The following GNAI3 variants were observed in gnomAD, a reference collection of about 807,000 sequenced individuals.
GNAI3 encodes the protein guanine nucleotide-binding protein G(i) subunit alpha-3.
GNAI3 carries 12 observed loss-of-function variants against 41.8 expected under a neutral mutation model. That is an observed-to-expected ratio of 0.29 (90% CI 0.18 to 0.47). The LOEUF (loss-of-function observed/expected upper bound fraction) is 0.47, where lower values mean the gene tolerates loss of function less well. GNAI3 is among the 20% of genes least tolerant of loss of function. The pLI is 1.00. For synonymous variants in GNAI3, 132 were observed against 146.5 expected, an observed-to-expected ratio of 0.90 and a Z score of 0.71; for missense variants, 360 against 429.6, an observed-to-expected ratio of 0.84 and a Z score of 1.43.
chr1:109,564,883 G>T (rs1648409384), intron 1 of GNAI3, among the ~76,000 whole-genome samples: 1 of 152,170 alleles, frequency 6.6e-6, no homozygotes, highest in African/African-American at 2.4e-5. Context: ...TAATCGGTAT[G>T]TGATTGCTTC....
At chr1:109,553,894 A>G (rs928417475) in intron 1 of GNAI3, among the ~76,000 whole-genome samples, 1 of 152,106 alleles carries the variant, frequency 6.6e-6, no homozygotes, top group Non-Finnish European at 1.5e-5. Flanking sequence ...AGTCCGTTGT[A>G]TCATTCTTAG....
rs1054840426 is a variant in GNAI3 at position 109,599,871 on chromosome 1, A to G, written c.*7549A>G. 2 of 152,184 alleles carry G rather than the reference A, an allele frequency of 1.3e-5. No individual in the cohort carries two copies. Among genetic ancestry groups the G allele is most frequent in the African/African-American group, 4.8e-5 (2 of 41,436 alleles). The allele number at this position is 152,184 out of a possible 1,614,324, so 9.4% of individuals were successfully genotyped here. A position where few individuals can be genotyped will look rare whatever the true frequency, so the allele number is the denominator to read the frequency against. On this transcript the variant is annotated 3_prime_UTR_variant, in exon 9 of 9. Coordinates refer to ENST00000369851, the MANE Select transcript of GNAI3 (RefSeq NM_006496.4). Reference sequence around the variant, plus strand: ...AACAAGAAATTGGCTTTGATTTTATAGTGTATGGTGCTCTGTTGGTAGCTG... The same window carrying G: ...AACAAGAAATTGGCTTTGATTTTATGGTGTATGGTGCTCTGTTGGTAGCTG...
chr1:109,562,823 A>G (rs1209789208), intron 1 of GNAI3, among the ~76,000 whole-genome samples: 1 of 152,188 alleles, frequency 6.6e-6, no homozygotes, highest in Non-Finnish European at 1.5e-5. Context: ...AAAATTTTAC[A>G]ATTTTGGGAT....
chr1:109,548,690 C>T lies in GNAI3; in HGVS notation c.-31C>T. 6.7e-7 allele frequency: 1 copy of T among 1,490,430 alleles called. No homozygotes were observed. Among genetic ancestry groups the T allele is most frequent in the Non-Finnish European group, 9.4e-7 (1 of 1,069,418 alleles). 92.3% of individuals were successfully genotyped at this position (1,490,430 alleles called of 1,614,324 possible). Reference sequence around the variant, plus strand: ...CGCAGTTTCCGTGGTGTGAGTGAGTCCGGGCCCGTGTCCCCTCTCCCGCCG... The same window carrying T: ...CGCAGTTTCCGTGGTGTGAGTGAGTTCGGGCCCGTGTCCCCTCTCCCGCCG... On this transcript the variant is annotated 5_prime_UTR_variant, in exon 1 of 9. Transcript: ENST00000369851.
Position 109,580,434 on chromosome 1 carries a change from G to A in GNAI3, c.461+1073G>A, listed in dbSNP as rs553453379. Among the ~76,000 whole-genome samples, 7 of 152,108 alleles carry A rather than the reference G, an allele frequency of 4.6e-5. No individual in the cohort carries two copies. In the South Asian group the frequency reaches 1.2e-3, roughly 27 times the overall value. ...ATATTACTGTTTTCCTACTTTTCACGTCATGATTCTAGCTTAAATTGTTAC... is the reference window on the plus strand; with the variant it reads ...ATATTACTGTTTTCCTACTTTTCACATCATGATTCTAGCTTAAATTGTTAC... On this transcript the variant is annotated intron_variant, in intron 4 of 8. Transcript: ENST00000369851.
At chr1:109,586,926 T>A (rs1649045627) in intron 7 of GNAI3, 44 bp downstream of exon 7, 2 of 1,328,572 alleles carry the variant, frequency 1.5e-6, no homozygotes, top group East Asian at 4.6e-5. Context: ...ACATCTTACT[T>A]AGATCAACAC....
At chr1:109,580,036 C>G (rs1488963541) in intron 4 of GNAI3, among the ~76,000 whole-genome samples, 1 of 152,228 alleles carries the variant, frequency 6.6e-6, no homozygotes, top group African/African-American at 2.4e-5. Context: ...GAGTCTCGCT[C>G]TGTCGCCCAG....
At chr1:109,570,294 C>T (rs17023664) in intron 1 of GNAI3, among the ~76,000 whole-genome samples, 2,900 of 152,062 alleles carry the variant, frequency 0.019, 86 homozygotes, top group African/African-American at 0.066. Context: ...TTTTAATTAA[C>T]TTTTGGTTAG....
At chr1:109,564,845 T>G (rs146358162) in intron 1 of GNAI3, among the ~76,000 whole-genome samples, 1 of 152,324 alleles carries the variant, frequency 6.6e-6, no homozygotes, top group African/African-American at 2.4e-5. Flanking sequence ...TATCAGAATT[T>G]TCTTATGTGC....
rs1290164802 is a variant in GNAI3 at position 109,563,403 on chromosome 1, CAAAA to C, written c.119-10331_119-10328del. On this transcript the variant is annotated intron_variant, in intron 1 of 8. Transcript: ENST00000369851. ...CTGTCTCAGAAGACAAACAAACAAACAAAAAACGTTGAGGCAGCCAGAGGATGAT... is the reference window on the plus strand; with the variant it reads ...CTGTCTCAGAAGACAAACAAACAAACAACGTTGAGGCAGCCAGAGGATGAT... Among the ~76,000 whole-genome samples the C allele has an allele frequency of 2.0e-5, 3 of 152,210 alleles. No individual in the cohort carries two copies. The East Asian group carries it at 5.8e-4, about 29-fold the overall frequency.
intron 3 of GNAI3, among the ~76,000 whole-genome samples, chr1:109,579,001 TC>T (rs1209798738): frequency 6.6e-6 from 1 of 152,148 alleles, no homozygotes; most frequent in Non-Finnish European, 1.5e-5. Context: ...ATTCCTCAGC[TC>T]AGTTCTGGAC....
At chr1:109,567,528 C>T (rs1159470252) in intron 1 of GNAI3, among the ~76,000 whole-genome samples, 2 of 152,122 alleles carry the variant, frequency 1.3e-5, no homozygotes, top group Admixed American at 6.5e-5. Context: ...GTGAAGAAAA[C>T]GACTAATGCT....
Position 109,579,269 on chromosome 1 carries a change from A to G in GNAI3, c.369A>G (p.Leu123=), listed in dbSNP as rs755059900. The G allele has an allele frequency of 6.2e-7, 1 of 1,611,950 alleles. No individual in the cohort carries two copies. Among genetic ancestry groups the G allele is most frequent in the Non-Finnish European group, 8.5e-7 (1 of 1,178,016 alleles). Residue 123 remains leucine (L), a synonymous_variant, in exon 4 of 9, where the codon CTA becomes CTG. Transcript: ENST00000369851. ...AAGAAGGAGTCATGACTCCAGAACT[A>G]GCAGGAGTGATTAAACGGTTATGGC... ...SAEEGVMTPE[L]AGVIKRLWRD...
chr1:109,569,175 G>A (rs1237598867), intron 1 of GNAI3, among the ~76,000 whole-genome samples: 1 of 152,108 alleles, frequency 6.6e-6, no homozygotes, highest in East Asian at 1.9e-4. Context: ...AAGCTTCTGT[G>A]TTGAACGGAT....
Position 109,574,933 on chromosome 1 carries a change from C to T in GNAI3, c.303+896C>T, listed in dbSNP as rs564087176. On this transcript the variant is annotated intron_variant, in intron 3 of 8. Coordinates refer to ENST00000369851, the MANE Select transcript of GNAI3 (RefSeq NM_006496.4). The stretch of plus-strand genomic sequence containing the variant: ...TAAGCCACTCCCAACTTATCAAATG[C>T]GAATTTATATTTGATAAAAAGATAG... Among the ~76,000 whole-genome samples the T allele has an allele frequency of 1.2e-3, 186 of 151,968 alleles. 1 individual carries two copies. The highest frequency in any genetic ancestry group is 3.3e-3 in the African/African-American group (137 of 41,426).
intron 1 of GNAI3, among the ~76,000 whole-genome samples, chr1:109,563,328 T>G (rs1648364221): frequency 6.6e-6 from 1 of 152,242 alleles, no homozygotes; most frequent in Non-Finnish European, 1.5e-5. Context: ...GAGGTTGCAG[T>G]GAGCTGAGAT....
At chr1:109,572,470 T>C (rs1648632155) in intron 1 of GNAI3, among the ~76,000 whole-genome samples, 1 of 152,128 alleles carries the variant, frequency 6.6e-6, no homozygotes, top group Non-Finnish European at 1.5e-5. Context: ...GCACCAAGAA[T>C]TGACCAACTG....
intron 3 of GNAI3, among the ~76,000 whole-genome samples, chr1:109,575,923 A>T (rs571357023): frequency 2.8e-4 from 42 of 152,308 alleles, no homozygotes; most frequent in African/African-American, 9.4e-4. Flanking sequence ...AGTCCCTCTC[A>T]GGCCTCCTAA....
intron 1 of GNAI3, among the ~76,000 whole-genome samples, chr1:109,572,119 C>G (rs1367866574): frequency 6.6e-6 from 1 of 151,780 alleles, no homozygotes; most frequent in Non-Finnish European, 1.5e-5. Flanking sequence ...ACCAGCCTGG[C>G]TAATATGGTG....
Sources: gnomAD v4.1 joint callset for allele counts (sites outside exome capture counted in the v4.1 genomes callset) on GRCh38, gnomAD v4.1.1 for gene constraint, MANE v1.5 for transcripts, NCBI Gene and HGNC (gene_info 2026-07-23, HGNC 2026-07-21) for gene names.